RICTOR: variants seen among roughly 807,000 people sequenced by gnomAD.
RICTOR encodes the protein RPTOR independent companion of MTOR complex 2.
Under a neutral mutation model 214.9 loss-of-function variants are expected in RICTOR, and 49 were observed. That is an observed-to-expected ratio of 0.23 (90% CI 0.18 to 0.29). RICTOR has a LOEUF of 0.29. Ranked by LOEUF, RICTOR falls within the 10% of genes least tolerant of loss-of-function variation. RICTOR has a pLI of 1.00. For synonymous variants in RICTOR, 717 were observed against 711.3 expected, an observed-to-expected ratio of 1.01 and a Z score of -0.13; for missense variants, 1,625 against 2,047.0, an observed-to-expected ratio of 0.79 and a Z score of 3.98.
intron 2 of RICTOR, among the ~76,000 whole-genome samples, chr5:39,051,477 G>A (rs570081726): frequency 1.1e-4 from 16 of 152,294 alleles, no homozygotes; most frequent in Middle Eastern, 3.4e-3. Flanking sequence ...GGCTGGGCAC[G>A]GTGGCTCACG....
intron 2 of RICTOR, among the ~76,000 whole-genome samples, chr5:39,050,573 G>A (rs1757771434): frequency 6.6e-6 from 1 of 152,008 alleles, no homozygotes; most frequent in Non-Finnish European, 1.5e-5. Flanking sequence ...CTGAGCTCAG[G>A]CAATCCACCC....
At chr5:39,047,766 T>G (rs186176739) in intron 2 of RICTOR, among the ~76,000 whole-genome samples, 1 of 152,324 alleles carries the variant, frequency 6.6e-6, no homozygotes, top group East Asian at 1.9e-4. Context: ...GCTTTCATTC[T>G]CAGAGATTTT....
intron 6 of RICTOR, among the ~76,000 whole-genome samples, chr5:38,993,933 A>T (rs1313464424): frequency 6.6e-6 from 1 of 152,220 alleles, no homozygotes; most frequent in African/African-American, 2.4e-5. Flanking sequence ...CTGTAATCCC[A>T]GCACTCTGGG....
intron 2 of RICTOR, among the ~76,000 whole-genome samples, chr5:39,021,514 T>C (rs1755422323): frequency 6.6e-6 from 1 of 152,144 alleles, no homozygotes. Context: ...CATGAATGGA[T>C]TGTTAAGGAG....
intron 2 of RICTOR, among the ~76,000 whole-genome samples, chr5:39,066,275 T>C (rs925765561): frequency 2.0e-5 from 3 of 152,216 alleles, no homozygotes; most frequent in Non-Finnish European, 2.9e-5. Context: ...TGGGCCCCTT[T>C]GAACAAGGCT....
chr5:39,053,711 T>C (rs533068958), intron 2 of RICTOR, among the ~76,000 whole-genome samples: 5,797 of 150,062 alleles, frequency 0.039, 214 homozygotes, highest in African/African-American at 0.091. Context: ...GCTAACACGG[T>C]GAAACCCCGT....
At chr5:38,960,953 G>A (rs1749744816) in intron 19 of RICTOR, among the ~76,000 whole-genome samples, 1 of 151,962 alleles carries the variant, frequency 6.6e-6, no homozygotes, top group African/African-American at 2.4e-5. Context: ...TGTTTCCTGA[G>A]GCCTCCCTAG....
chr5:39,057,755 C>T (rs1251846488), intron 2 of RICTOR, among the ~76,000 whole-genome samples: 2 of 152,258 alleles, frequency 1.3e-5, no homozygotes, highest in South Asian at 2.1e-4. Context: ...CAGCAAGGAT[C>T]TGTCAAGGTT....
At chr5:38,986,413 A>T (rs1752175299) in intron 7 of RICTOR, among the ~76,000 whole-genome samples, 1 of 152,170 alleles carries the variant, frequency 6.6e-6, no homozygotes. Flanking sequence ...ATACAGAATA[A>T]CTAATGTTAG....
In RICTOR at chr5:38,981,883, G is replaced by A. The variant is rs1479064372; in HGVS notation, c.737C>T (p.Ala246Val). 2 of 1,610,502 alleles carry A rather than the reference G, an allele frequency of 1.2e-6. No individual in the cohort carries two copies. Among genetic ancestry groups the A allele is most frequent in the Non-Finnish European group, 1.7e-6 (2 of 1,177,346 alleles). The change falls in exon 8 of 38, where the codon GCT (alanine) becomes GTT (valine). Residue 246 changes from alanine (A) to valine (V), a missense_variant. Ala to Val is a moderately conservative substitution (Grantham distance 64, BLOSUM62 0). Around this residue, in one of 5 missense-constraint regions of RICTOR, gnomAD observed 258 missense variants for 393.7 expected, o/e 0.66. Transcript: ENST00000357387. ...AGTTCCTACCTCTAATTCTACATCA[G>A]CTCGCACATACTGTCGAGTCTTTGG... ...NHPKTRQYVR[A>V]DVELERILAP...
intron 8 of RICTOR, among the ~76,000 whole-genome samples, chr5:38,980,717 G>C (rs1751650073): frequency 6.6e-6 from 1 of 152,064 alleles, no homozygotes. Context: ...GTGGTGGCAT[G>C]TAACTATAGT....
rs2112813906 is a variant in RICTOR, at chr5:38,945,564, G to A, written c.4560C>T (p.Cys1520=). The part of the protein sequence containing the change: ...TGLQEHTDDN[C]LYCVCIEILG... ...GAATTTCAATACAGACACAATAAAGGCAGTTATCATCTGTATGTTCCTGTA... is the reference window on the plus strand; with the variant it reads ...GAATTTCAATACAGACACAATAAAGACAGTTATCATCTGTATGTTCCTGTA... The change falls in exon 34 of 38, where the codon TGC becomes TGT. Residue 1520 remains cysteine (C), a synonymous_variant. Transcript: ENST00000357387. 1 of 1,613,990 alleles carries A rather than the reference G, an allele frequency of 6.2e-7. No individual in the cohort carries two copies. The highest frequency in any genetic ancestry group is 1.1e-5 in the South Asian group (1 of 91,078).
At chr5:39,032,197 GC>G (rs1053488706) in intron 2 of RICTOR, among the ~76,000 whole-genome samples, 1 of 151,990 alleles carries the variant, frequency 6.6e-6, no homozygotes, top group African/African-American at 2.4e-5. Context: ...GCCAAAATCT[GC>G]CCCTTTGTAA....
At chr5:39,000,799 A>G (rs577490061) in intron 5 of RICTOR, among the ~76,000 whole-genome samples, 9 of 151,514 alleles carry the variant, frequency 5.9e-5, no homozygotes, top group African/African-American at 2.2e-4. Flanking sequence ...AATATCTCCA[A>G]CAGGTCAATA....
chr5:39,060,686 A>C (rs77046879), intron 2 of RICTOR, among the ~76,000 whole-genome samples: 6,845 of 152,156 alleles, frequency 0.045, 285 homozygotes, highest in African/African-American at 0.1. Context: ...ACAACTGTAT[A>C]GAAATGGCTA....
At chr5:39,054,036 C>G (rs897298634) in intron 2 of RICTOR, among the ~76,000 whole-genome samples, 9 of 151,682 alleles carry the variant, frequency 5.9e-5, no homozygotes, top group Admixed American at 2.0e-4. Flanking sequence ...GAGTGGAGAT[C>G]GAGCCACTGC....
At chr5:39,033,477 T>C (rs183857954) in intron 2 of RICTOR, among the ~76,000 whole-genome samples, 1 of 152,288 alleles carries the variant, frequency 6.6e-6, no homozygotes, top group Admixed American at 6.5e-5. Context: ...TTGGTCAGGC[T>C]AGTCTCGAAC....
intron 3 of RICTOR, among the ~76,000 whole-genome samples, chr5:39,006,497 T>G (rs1754063169): frequency 6.6e-6 from 1 of 152,028 alleles, no homozygotes; most frequent in Non-Finnish European, 1.5e-5. Flanking sequence ...GTGCTAATAT[T>G]CTTTCTCAGT....
chr5:38,950,988 C>T (rs1748733555), intron 30 of RICTOR, among the ~76,000 whole-genome samples: 1 of 151,814 alleles, frequency 6.6e-6, no homozygotes, highest in South Asian at 2.1e-4. Context: ...GCACAGGTTA[C>T]ATGAAGTTTC....
Sources: allele counts gnomAD v4.1 joint callset (sites outside exome capture counted in the v4.1 genomes callset), GRCh38; gene constraint gnomAD v4.1.1; regional missense constraint gnomAD v4.1.1; transcripts MANE v1.5; gene names NCBI Gene and HGNC (gene_info 2026-07-23, HGNC 2026-07-21).